NREP: variants seen among roughly 807,000 people sequenced by gnomAD.
NREP encodes the protein neuronal regeneration related protein.
In NREP, 5 loss-of-function variants were observed where a neutral mutation model predicts 8.6. That is an observed-to-expected ratio of 0.58 (90% CI 0.30 to 1.22). NREP has a LOEUF of 1.22. Among genes scored for constraint, NREP ranks in the 50% most tolerant of loss-of-function variants. The pLI is 0.07. For synonymous variants in NREP, 27 were observed against 28.0 expected, an observed-to-expected ratio of 0.96 and a Z score of 0.11; for missense variants, 86 against 82.5, an observed-to-expected ratio of 1.04 and a Z score of -0.17.
chr5:111,976,704 A>G, intron 1 of NREP: 1 of 1,549,402 alleles, frequency 6.5e-7, no homozygotes, highest in Non-Finnish European at 8.7e-7. Context: ...GTTATTCTTC[A>G]CATACCAAAG....
chr5:111,834,616 G>A (rs1159198998), intron 2 of NREP, among the ~76,000 whole-genome samples: 1 of 152,098 alleles, frequency 6.6e-6, no homozygotes, highest in Non-Finnish European at 1.5e-5. Context: ...CAGATAATTA[G>A]CAGAATGTAA....
At chr5:111,897,641 A>G (rs1277621357) in intron 2 of NREP, among the ~76,000 whole-genome samples, 2 of 152,044 alleles carry the variant, frequency 1.3e-5, no homozygotes, top group Non-Finnish European at 2.9e-5. Flanking sequence ...CAATCCTACT[A>G]TGGCTAAAAC....
At chr5:111,886,643 T>TA (rs1177422528) in intron 2 of NREP, among the ~76,000 whole-genome samples, 1 of 150,788 alleles carries the variant, frequency 6.6e-6, no homozygotes, top group African/African-American at 2.4e-5. Flanking sequence ...TATGCAGCCA[T>TA]AAAAAATGAT....
At chr5:111,806,585 G>A in intron 2 of NREP, among the ~76,000 whole-genome samples, 1 of 152,088 alleles carries the variant, frequency 6.6e-6, no homozygotes, top group East Asian at 1.9e-4. Flanking sequence ...CATCAGCCTT[G>A]GAAATTGATC....
At position 111,817,580 on chromosome 5, in the gene NREP, T is replaced by C. The variant is rs182433963; in HGVS notation, c.136-82073A>G. On this transcript the variant is annotated intron_variant, in intron 2 of 3. Transcript: ENST00000395634. ...CAGCACTTTGGGAGGCCAAGGTGGG[T>C]GGATCACGAGGTCAGGAGATCGAGA... Among the ~76,000 whole-genome samples, 607 of 152,044 alleles carry C rather than the reference T, an allele frequency of 4.0e-3. 6 individuals are homozygous for C. The highest frequency in any genetic ancestry group is 0.02 in the Middle Eastern group (6 of 294).
rs1199844088 is a variant in NREP, at chr5:111,737,724, AAAAAAC to A, written c.4-2223_4-2218del. Among the ~76,000 whole-genome samples the A allele has an allele frequency of 6.9e-3, 1,037 of 150,792 alleles. 8 individuals carry two copies. The highest frequency in any genetic ancestry group is 0.024 in the African/African-American group (990 of 40,976). On this transcript the variant is annotated intron_variant, in intron 2 of 3. Coordinates refer to ENST00000257435, the MANE Select transcript of NREP (RefSeq NM_004772.4). ...AGAACTCTCCATTTGCTAAAAAAAA[AAAAAAC>A]AAAAACAAAAACAAAAAAAAAGCCA...
In NREP at chr5:111,881,878, G is replaced by GA. The variant is rs912445948; in HGVS notation, c.135+93395dup. Among the ~76,000 whole-genome samples the GA allele has an allele frequency of 9.4e-4, 143 of 152,026 alleles. 1 individual carries two copies. Among genetic ancestry groups the GA allele is most frequent in the African/African-American group, 3.4e-3 (140 of 41,428 alleles). Reference sequence around the variant, plus strand: ...AAAATAGATAAAACCACAAAGATGGGAAAAAACAGAGCAGAAAAACTGGAA... The same window carrying GA: ...AAAATAGATAAAACCACAAAGATGGGAAAAAAACAGAGCAGAAAAACTGGAA... On this transcript the variant is annotated intron_variant, in intron 2 of 3. Transcript: ENST00000395634.
intron 2 of NREP, among the ~76,000 whole-genome samples, chr5:111,772,312 T>G (rs1237350968): frequency 1.3e-5 from 2 of 152,108 alleles, no homozygotes; most frequent in African/African-American, 4.8e-5. Flanking sequence ...GAATAGAAGG[T>G]TTTTTGTTTG....
At chr5:111,934,056 G>A (rs1755615296) in intron 2 of NREP, among the ~76,000 whole-genome samples, 1 of 152,038 alleles carries the variant, frequency 6.6e-6, no homozygotes, top group South Asian at 2.1e-4. Context: ...GGCTTTTAAA[G>A]GGGGACTTTG....
At chr5:111,773,218 A>G (rs1256731580) in intron 2 of NREP, among the ~76,000 whole-genome samples, 1 of 152,106 alleles carries the variant, frequency 6.6e-6, no homozygotes, top group Non-Finnish European at 1.5e-5. Context: ...AAAAGGAGAG[A>G]AGAAAAGGAA....
At chr5:111,804,354 A>G (rs1386750309) in intron 2 of NREP, among the ~76,000 whole-genome samples, 1 of 152,230 alleles carries the variant, frequency 6.6e-6, no homozygotes, top group East Asian at 1.9e-4. Flanking sequence ...TTCAGATCCT[A>G]CAAAAGAATA....
chr5:111,741,245 A>G (rs77923728), intron 2 of NREP, among the ~76,000 whole-genome samples: 2,172 of 152,282 alleles, frequency 0.014, 25 homozygotes, highest in Non-Finnish European at 0.022. Context: ...GCAAAGGGGT[A>G]TATTTCATAA....
chr5:111,796,479 C>G (rs925843349), intron 2 of NREP, among the ~76,000 whole-genome samples: 9 of 152,176 alleles, frequency 5.9e-5, no homozygotes, highest in African/African-American at 2.2e-4. Context: ...TATTAATTGG[C>G]ATCCCAAAGT....
rs571791106 is a variant in NREP at position 111,860,605 on chromosome 5, T to G, written c.135+114669A>C. The stretch of plus-strand genomic sequence containing the variant: ...AATCTGTCATAAGCTCAGCTTCCAG[T>G]TGGTACCCAAAGGAAATTTCTTTGC... On this transcript the variant is annotated intron_variant, in intron 2 of 3. Coordinates refer to the NREP transcript ENST00000395634. Among the ~76,000 whole-genome samples the G allele has an allele frequency of 4.6e-5, 7 of 152,252 alleles. No individual in the cohort carries two copies. In the South Asian group the frequency reaches 8.3e-4, roughly 18 times the overall value.
At chr5:111,849,797 A>G (rs1174378090) in intron 2 of NREP, among the ~76,000 whole-genome samples, 2 of 152,110 alleles carry the variant, frequency 1.3e-5, no homozygotes, top group East Asian at 3.9e-4. Context: ...CATGGGATCT[A>G]AACTGATATG....
chr5:111,855,933 G>A (rs1753417059), intron 2 of NREP, among the ~76,000 whole-genome samples: 1 of 152,170 alleles, frequency 6.6e-6, no homozygotes, highest in African/African-American at 2.4e-5. Context: ...AAGAATGAAG[G>A]TCCTGTTTTG....
At chr5:111,925,236 G>A (rs558743437) in intron 2 of NREP, among the ~76,000 whole-genome samples, 1 of 145,602 alleles carries the variant, frequency 6.9e-6, no homozygotes, top group African/African-American at 2.5e-5. Context: ...AGTTCTGCTG[G>A]AGCATTTGGG....
chr5:111,924,866 G>A (rs1393833994), intron 2 of NREP, among the ~76,000 whole-genome samples: 1 of 152,266 alleles, frequency 6.6e-6, no homozygotes, highest in Non-Finnish European at 1.5e-5. Flanking sequence ...ACCAGTGGAA[G>A]TCAAAGAGTC....
intron 2 of NREP, among the ~76,000 whole-genome samples, chr5:111,821,284 T>A (rs555045271): frequency 6.6e-6 from 1 of 152,188 alleles, no homozygotes; most frequent in Non-Finnish European, 1.5e-5. Context: ...TTATAAGATC[T>A]AATGAATCAT....
Sources: allele counts gnomAD v4.1 joint callset (sites outside exome capture counted in the v4.1 genomes callset), GRCh38; gene constraint gnomAD v4.1.1; transcripts MANE v1.5; gene names NCBI Gene and HGNC (gene_info 2026-07-23, HGNC 2026-07-21).